ENDOU: variants seen among roughly 807,000 people sequenced by gnomAD.
The protein encoded by ENDOU is uridylate-specific endoribonuclease.
Under a neutral mutation model 54.2 loss-of-function variants are expected in ENDOU, and 49 were observed. The observed-to-expected ratio is 0.90, with a 90% CI of 0.72 to 1.15. The LOEUF is 1.15. Among genes scored for constraint, ENDOU ranks in the 50% most tolerant of loss-of-function variants. The probability of loss-of-function intolerance (pLI) is 0.00; values close to 1 mark genes in which losing one functional copy is unlikely to be tolerated. For synonymous variants in ENDOU, 172 were observed against 190.5 expected, an observed-to-expected ratio of 0.90 and a Z score of 0.80; for missense variants, 458 against 511.4, an observed-to-expected ratio of 0.90 and a Z score of 1.01.
At position 47,717,605 on chromosome 12, in the gene ENDOU, CA is replaced by C; in HGVS notation, c.294del (p.Phe98LeufsTer39). ...TTGCAGTGACATTGGTGGTGCTTGT[CA>C]AAGGCTTCGTAGCAGCGGCCCTGGC... ...TSCQGRCYEA[F>X]DKHHQCHCNA... On this transcript the variant is annotated frameshift_variant, in exon 4 of 10. Coordinates refer to ENST00000422538, the MANE Select transcript of ENDOU (RefSeq NM_001172439.2). LOFTEE classifies it high-confidence loss of function. 6.2e-7 allele frequency: 1 copy of C among 1,614,142 alleles called. No homozygotes were observed.
intron 8 of ENDOU, 29 bp downstream of exon 8, chr12:47,712,487 G>A: frequency 1.3e-6 from 2 of 1,538,804 alleles, no homozygotes; most frequent in South Asian, 1.1e-5. Context: ...TCTGGGCTCT[G>A]ACAAGGCTTT....
chr12:47,722,789 C>T (rs904361875), intron 1 of ENDOU, among the ~76,000 whole-genome samples: 4 of 152,176 alleles, frequency 2.6e-5, no homozygotes, highest in Non-Finnish European at 4.4e-5. Context: ...AAGGTTAACC[C>T]GGGTCCTCAG....
intron 6 of ENDOU, among the ~76,000 whole-genome samples, chr12:47,715,979 T>C (rs1592505559): frequency 6.6e-6 from 1 of 150,708 alleles, no homozygotes. Flanking sequence ...TGGGTGGGGG[T>C]GGGATGTGAG....
At position 47,716,382 on chromosome 12, in the gene ENDOU, C is replaced by T. The variant is rs780124929; in HGVS notation, c.669G>A (p.Glu223=). ...TGAGGAAGGCGTCCTGCTCGGCCAGCTCCTGGGCACTGAAGTGCTCCCCAT... is the reference window on the plus strand; with the variant it reads ...TGAGGAAGGCGTCCTGCTCGGCCAGTTCCTGGGCACTGAAGTGCTCCCCAT... ...TGHGEHFSAQ[E]LAEQDAFLRE... The change falls in exon 6 of 10, where the codon GAG becomes GAA. Residue 223 remains glutamate, a synonymous_variant. Coordinates refer to ENST00000422538, the MANE Select transcript of ENDOU (RefSeq NM_001172439.2). 1 of 1,614,184 alleles carries T rather than the reference C, an allele frequency of 6.2e-7. No individual in the cohort carries two copies. The highest frequency in any genetic ancestry group is 1.3e-5 in the African/African-American group (1 of 75,058).
chr12:47,720,558 T>G, intron 2 of ENDOU, 195 bp downstream of exon 2: 1 of 464,806 alleles, frequency 2.2e-6, no homozygotes, highest in East Asian at 3.4e-5. Context: ...TCTACTGTAT[T>G]TTAAGTTGGG....
Position 47,721,800 on chromosome 12 carries a change from G to A in ENDOU, c.56-925C>T, listed in dbSNP as rs558653587. ...TCTGGGCTTTAAGGGTGATAACAGA[G>A]TCTTTGTTCGATTTGAGGTTCCTGA... On this transcript the variant is annotated intron_variant, in intron 1 of 9. Transcript: ENST00000422538. Among the ~76,000 whole-genome samples the A allele has an allele frequency of 1.1e-3, 172 of 152,332 alleles. 1 individual carries two copies. The highest frequency in any genetic ancestry group is 4.6e-3 in the South Asian group (22 of 4,824).
At chr12:47,711,045 C>T (rs574435914) in intron 9 of ENDOU, 126 bp from the exon 10 acceptor site, 71 of 537,946 alleles carry the variant, frequency 1.3e-4, no homozygotes, top group Admixed American at 5.3e-4. Flanking sequence ...AAAGACAGAG[C>T]TGGCACTGCT....
rs1940058158 is a variant in ENDOU, at chr12:47,712,403, C to T, written c.972+113G>A. On this transcript the variant is annotated intron_variant, in intron 8 of 9. Transcript: ENST00000422538. Reference sequence around the variant, plus strand: ...CAGGTGAGGACGTGATAGTCACAATCACCTGGGGCTGCCCCCTGAGAGTCA... The same window carrying T: ...CAGGTGAGGACGTGATAGTCACAATTACCTGGGGCTGCCCCCTGAGAGTCA... 9.2e-6 allele frequency: 7 copies of T among 761,678 alleles called. No individual in the cohort carries two copies. The South Asian group carries it at 1.2e-4, about 13-fold the overall frequency. The allele number at this position is 761,678 out of a possible 1,614,324, so 47.2% of individuals were successfully genotyped here. A position where few individuals can be genotyped will look rare whatever the true frequency, so the allele number is the denominator to read the frequency against.
intron 5 of ENDOU, 55 bp from the exon 6 acceptor site, chr12:47,716,554 C>T: frequency 6.5e-7 from 1 of 1,543,296 alleles, no homozygotes; most frequent in Non-Finnish European, 8.9e-7. Context: ...GGCAGCGACC[C>T]CTCCAGAGAC....
intron 4 of ENDOU, 141 bp downstream of exon 4, chr12:47,717,377 G>T: frequency 1.1e-6 from 1 of 935,834 alleles, no homozygotes. Flanking sequence ...AATTAAGTAG[G>T]CCCGGAGTGA....
At position 47,717,600 on chromosome 12, in the gene ENDOU, C is replaced by T; in HGVS notation, c.300G>A (p.Lys100=). 6.2e-7 allele frequency: 1 copy of T among 1,614,140 alleles called. No homozygotes were observed. Among genetic ancestry groups the T allele is most frequent in the Non-Finnish European group, 8.5e-7 (1 of 1,180,028 alleles). ...CQGRCYEAFD[K]HHQCHCNARC... ...GGGCATTGCAGTGACATTGGTGGTG[C>T]TTGTCAAAGGCTTCGTAGCAGCGGC... Residue 100 remains lysine (K), a synonymous_variant, in exon 4 of 10, where the codon AAG becomes AAA. Transcript: ENST00000422538.
At chr12:47,718,727 G>T (rs1163481184) in intron 2 of ENDOU, among the ~76,000 whole-genome samples, 1 of 152,116 alleles carries the variant, frequency 6.6e-6, no homozygotes, top group African/African-American at 2.4e-5. Flanking sequence ...TCCTATTGCT[G>T]CCCCTTTCCC....
intron 6 of ENDOU, among the ~76,000 whole-genome samples, chr12:47,714,941 A>C (rs752372995): frequency 1.2e-4 from 18 of 152,232 alleles, no homozygotes; most frequent in Non-Finnish European, 2.5e-4. Flanking sequence ...GACTACATAA[A>C]ATAACAGAGA....
chr12:47,714,679 A>G (rs1368630636), intron 6 of ENDOU, among the ~76,000 whole-genome samples: 4 of 152,254 alleles, frequency 2.6e-5, no homozygotes, highest in African/African-American at 9.6e-5. Context: ...GAAATGGGGA[A>G]GACCCAGAGA....
chr12:47,722,640 C>T (rs1241572947), intron 1 of ENDOU, among the ~76,000 whole-genome samples: 1 of 152,176 alleles, frequency 6.6e-6, no homozygotes, highest in Non-Finnish European at 1.5e-5. Context: ...CGTCGACACA[C>T]TTAATCTAGC....
rs752819714 is a variant in ENDOU at position 47,711,688 on chromosome 12, G to T, written c.1060C>A (p.Pro354Thr). ...GAGTAGAGTGCAAACTCAAACTCAG[G>T]GCTGCTGCCGATGAAAGCAGAGCCC... ...EVGSAFIGSS[P>T]EFEFALYSLC... The change falls in exon 9 of 10, where the codon CCT (proline) becomes ACT (threonine). Residue 354 changes from proline to threonine, a missense_variant. Pro to Thr is a conservative substitution (Grantham distance 38). Transcript: ENST00000422538. 6 of 1,614,144 alleles carry T rather than the reference G, an allele frequency of 3.7e-6. No individual in the cohort carries two copies. In the Admixed American group the frequency reaches 8.3e-5, roughly 22 times the overall value.
chr12:47,715,519 C>A (rs1238079789), intron 6 of ENDOU, among the ~76,000 whole-genome samples: 1 of 152,224 alleles, frequency 6.6e-6, no homozygotes, highest in Non-Finnish European at 1.5e-5. Context: ...TTCATAGAGT[C>A]ACTCTTGTGT....
chr12:47,721,254 G>T (rs1940423882), intron 1 of ENDOU, among the ~76,000 whole-genome samples: 1 of 152,134 alleles, frequency 6.6e-6, no homozygotes, highest in African/African-American at 2.4e-5. Context: ...AGCCGATTGT[G>T]GCCATGTTGG....
chr12:47,712,547 A>G lies in ENDOU; in HGVS notation c.941T>C (p.Val314Ala), dbSNP rs145477608. 5.0e-6 allele frequency: 8 copies of G among 1,614,022 alleles called. No homozygotes were observed. In the Admixed American group the frequency reaches 6.7e-5, roughly 13 times the overall value. ...ATCGTAGATGTGACTGTAATAGTCA[A>G]CCAGACCCTCCTTCTCCTCCAGGTA... ...RFYLEEKEGL[V>A]DYYSHIYDGP... Residue 314 changes from valine (V) to alanine (A), a missense_variant, in exon 8 of 10, where the codon GTT becomes GCT. Transcript: ENST00000422538.
Sources: allele counts gnomAD v4.1 joint callset (sites outside exome capture counted in the v4.1 genomes callset), GRCh38; gene constraint gnomAD v4.1.1; transcripts MANE v1.5; gene names NCBI Gene and HGNC (gene_info 2026-07-23, HGNC 2026-07-21).